The following NELL1 variants were observed in gnomAD, a reference collection of about 807,000 sequenced individuals.
NELL1 encodes neural EGFL like 1.
In NELL1, 76 loss-of-function variants were observed where a neutral mutation model predicts 107.4. The observed-to-expected ratio is 0.71, with a 90% CI of 0.59 to 0.86. The LOEUF (loss-of-function observed/expected upper bound fraction) is 0.86, where lower values mean the gene tolerates loss of function less well. Among genes scored for constraint, NELL1 ranks in the 40% least tolerant of loss-of-function variants. NELL1 has a pLI of 0.00. For missense variants in NELL1, 1,024 were observed against 1,005.5 expected, an observed-to-expected ratio of 1.02 and a Z score of -0.25; for synonymous variants, 353 against 341.2, an observed-to-expected ratio of 1.03 and a Z score of -0.38.
intron 14 of NELL1, among the ~76,000 whole-genome samples, chr11:21,276,563 G>C (rs1848866827): frequency 6.6e-6 from 1 of 151,880 alleles, no homozygotes; most frequent in African/African-American, 2.4e-5. Flanking sequence ...AGTTCATATG[G>C]AACCAAAAAA....
intron 4 of NELL1, among the ~76,000 whole-genome samples, chr11:20,855,424 G>T (rs1238856527): frequency 4.6e-5 from 7 of 152,138 alleles, no homozygotes; most frequent in African/African-American, 1.7e-4. Flanking sequence ...GGATTAAAAA[G>T]AAAGCATTTT....
At chr11:20,693,528 T>C (rs1854528912) in intron 2 of NELL1, among the ~76,000 whole-genome samples, 1 of 152,172 alleles carries the variant, frequency 6.6e-6, no homozygotes, top group Non-Finnish European at 1.5e-5. Flanking sequence ...AGTATTTTAT[T>C]TCTCCTTCAC....
chr11:21,280,275 G>A (rs1378226450), intron 14 of NELL1, among the ~76,000 whole-genome samples: 1 of 152,192 alleles, frequency 6.6e-6, no homozygotes, highest in East Asian at 1.9e-4. Flanking sequence ...GGCAGAGCAA[G>A]ACGGCCAAAT....
intron 15 of NELL1, among the ~76,000 whole-genome samples, chr11:21,441,418 G>A (rs1402453885): frequency 6.7e-6 from 1 of 149,432 alleles, no homozygotes; most frequent in African/African-American, 2.5e-5. Context: ...GTCTTTTGAT[G>A]GGTTTTATCT....
chr11:20,813,834 G>A (rs1857558501), intron 3 of NELL1, among the ~76,000 whole-genome samples: 2 of 151,940 alleles, frequency 1.3e-5, no homozygotes, highest in Non-Finnish European at 2.9e-5. Context: ...ATAATGAAAA[G>A]GGAAGTGAAT....
At chr11:21,019,103 A>G (rs74578568) in intron 12 of NELL1, among the ~76,000 whole-genome samples, 3 of 152,132 alleles carry the variant, frequency 2.0e-5, no homozygotes, top group Non-Finnish European at 2.9e-5. Context: ...TAGCTCTAAC[A>G]TGAACTAGCT....
intron 14 of NELL1, 23 bp downstream of exon 14, chr11:21,229,477 G>A: frequency 1.2e-6 from 2 of 1,612,792 alleles, no homozygotes; most frequent in South Asian, 2.2e-5. Context: ...CCTTAGTGTT[G>A]AGTTGTGAGC....
At chr11:21,448,458 TA>T (rs1408651432) in intron 15 of NELL1, among the ~76,000 whole-genome samples, 2 of 152,192 alleles carry the variant, frequency 1.3e-5, no homozygotes, top group Admixed American at 1.3e-4. Context: ...TTAATAAAAT[TA>T]ATTTTTAATT....
intron 13 of NELL1, among the ~76,000 whole-genome samples, chr11:21,201,424 CTCTG>C (rs568512605): frequency 1.2e-4 from 18 of 151,974 alleles, no homozygotes; most frequent in East Asian, 3.9e-4. Context: ...TGATTTGGCT[CTCTG>C]TCTATTATTG....
At chr11:21,285,351 C>G (rs1849092439) in intron 14 of NELL1, among the ~76,000 whole-genome samples, 1 of 152,144 alleles carries the variant, frequency 6.6e-6, no homozygotes, top group Non-Finnish European at 1.5e-5. Flanking sequence ...ATTCAGCAAA[C>G]CAGCCTGCAG....
intron 14 of NELL1, among the ~76,000 whole-genome samples, chr11:21,258,350 T>A (rs1031157658): frequency 6.6e-6 from 1 of 152,024 alleles, no homozygotes; most frequent in Admixed American, 6.6e-5. Flanking sequence ...TAATTAGCAC[T>A]GTTGTCTTGG....
chr11:21,134,041 A>C lies in NELL1; in HGVS notation c.1426+20327A>C, dbSNP rs985083182. Among the ~76,000 whole-genome samples the C allele has an allele frequency of 2.0e-5, 3 of 152,230 alleles. No homozygotes were observed. The East Asian group carries it at 5.8e-4, about 29-fold the overall frequency. On this transcript the variant is annotated intron_variant, in intron 13 of 19. Transcript: ENST00000357134. ...CAGCTGCCATCAGGATCATGAAAAG[A>C]GTGGGAACTAAATGCCAGAAGACCT...
At chr11:20,917,996 T>C (rs974880652) in intron 5 of NELL1, among the ~76,000 whole-genome samples, 186 bp from the exon 6 acceptor site, 1 of 151,962 alleles carries the variant, frequency 6.6e-6, no homozygotes, top group Non-Finnish European at 1.5e-5. Flanking sequence ...CACATAAATG[T>C]ACAATTTGAG....
intron 18 of NELL1, among the ~76,000 whole-genome samples, chr11:21,572,042 C>G (rs1312999025): frequency 6.6e-6 from 1 of 151,766 alleles, no homozygotes; most frequent in Non-Finnish European, 1.5e-5. Context: ...ACTCCTATGA[C>G]TGAGAAGCAT....
chr11:21,573,004 A>G (rs1435855420), intron 18 of NELL1, among the ~76,000 whole-genome samples, 181 bp from the exon 19 acceptor site: 2 of 151,914 alleles, frequency 1.3e-5, no homozygotes, highest in Non-Finnish European at 2.9e-5. Context: ...CAGCAAAAGC[A>G]TTCTGAAAGA....
intron 3 of NELL1, among the ~76,000 whole-genome samples, chr11:20,815,174 C>T (rs1857596898): frequency 6.6e-6 from 1 of 152,122 alleles, no homozygotes; most frequent in African/African-American, 2.4e-5. Flanking sequence ...AAGTGATTCT[C>T]CTGCCTCAGC....
At position 21,507,413 on chromosome 11, in the gene NELL1, C is replaced by T. The variant is rs116870879; in HGVS notation, c.1646-26961C>T. On this transcript the variant is annotated intron_variant, in intron 15 of 19. Transcript: ENST00000357134. ...TCAACAGGATCCTACAGATGTAGCC[C>T]CATGGAAAACAATCTTTCATTTAAA... Among the ~76,000 whole-genome samples the T allele has an allele frequency of 7.8e-3, 1,187 of 152,174 alleles. 14 individuals are homozygous for T. The highest frequency in any genetic ancestry group is 0.013 in the Non-Finnish European group (903 of 68,012).
chr11:21,457,911 G>A (rs1853789183), intron 15 of NELL1, among the ~76,000 whole-genome samples: 1 of 152,208 alleles, frequency 6.6e-6, no homozygotes, highest in Non-Finnish European at 1.5e-5. Flanking sequence ...AAGGTAATGT[G>A]TGGAAAATGA....
At chr11:21,174,256 G>A (rs545543182) in intron 13 of NELL1, among the ~76,000 whole-genome samples, 2 of 151,812 alleles carry the variant, frequency 1.3e-5, no homozygotes, top group South Asian at 4.1e-4. Flanking sequence ...AGGCAAACTG[G>A]GATGTATGGC....
Sources: allele counts gnomAD v4.1 joint callset (sites outside exome capture counted in the v4.1 genomes callset), GRCh38; gene constraint gnomAD v4.1.1; transcripts MANE v1.5; gene names NCBI Gene and HGNC (gene_info 2026-07-23, HGNC 2026-07-21).